Variants in CACNB4 observed in about 807,000 individuals in gnomAD.
CACNB4 encodes voltage-dependent L-type calcium channel subunit beta-4.
A neutral mutation model predicts 71.2 loss-of-function variants in CACNB4; 32 were observed. The observed-to-expected ratio is 0.45, with a 90% confidence interval of 0.34 to 0.60. The LOEUF (loss-of-function observed/expected upper bound fraction) is 0.60. CACNB4 is among the 20% of genes least tolerant of loss of function. CACNB4 has a pLI of 0.01. For synonymous variants in CACNB4, 231 were observed against 236.9 expected (o/e 0.97, Z 0.23); for missense variants, 464 against 647.9 (o/e 0.72, Z 3.08).
At chr2:151,879,026 C>T (rs2099847189) in intron 4 of CACNB4, among the ~76,000 whole-genome samples, 2 of 152,174 alleles carry the variant, frequency 1.3e-5, no homozygotes, top group South Asian at 4.1e-4. Context: ...GTATAACAGG[C>T]CTAAAATAAT....
At chr2:151,997,054 A>C (rs113746447) in intron 2 of CACNB4, among the ~76,000 whole-genome samples, 1,661 of 152,294 alleles carry the variant, frequency 0.011, 25 homozygotes, top group African/African-American at 0.038. Flanking sequence ...AAGTAAATAA[A>C]TACACCCTGT....
At chr2:151,978,409 C>T (rs1375819890) in intron 2 of CACNB4, among the ~76,000 whole-genome samples, 1 of 152,078 alleles carries the variant, frequency 6.6e-6, no homozygotes, top group Non-Finnish European at 1.5e-5. Flanking sequence ...GTGAATGGTC[C>T]TCCCTGTGAT....
At chr2:151,993,805 C>T (rs1477421801) in intron 2 of CACNB4, among the ~76,000 whole-genome samples, 5 of 151,308 alleles carry the variant, frequency 3.3e-5, no homozygotes, top group South Asian at 2.1e-4. Flanking sequence ...CCTTGTGATC[C>T]GCCCACCTCG....
At chr2:151,867,872 T>TC (rs1459357505) in intron 9 of CACNB4, 1 of 152,012 alleles carries the variant, frequency 6.6e-6, no homozygotes, top group Non-Finnish European at 1.5e-5. Context: ...AACTCTATCC[T>TC]CCCTCCCAGC....
At chr2:152,095,809 G>A (rs969126841) in intron 2 of CACNB4, among the ~76,000 whole-genome samples, 10 of 151,970 alleles carry the variant, frequency 6.6e-5, no homozygotes, top group Admixed American at 5.2e-4. Context: ...ACACCACCAC[G>A]CTTGGCAAAT....
chr2:151,959,637 T>C (rs2099869145), intron 2 of CACNB4, among the ~76,000 whole-genome samples: 1 of 152,238 alleles, frequency 6.6e-6, no homozygotes. Flanking sequence ...TATGCATTTC[T>C]CATCCTTTTT....
chr2:152,040,827 T>C (rs1433607098), intron 2 of CACNB4, among the ~76,000 whole-genome samples: 1 of 152,258 alleles, frequency 6.6e-6, no homozygotes, highest in Non-Finnish European at 1.5e-5. Context: ...CACATCTAAA[T>C]GCATATGCTG....
chr2:152,060,430 C>T (rs1043897491), intron 2 of CACNB4, among the ~76,000 whole-genome samples: 1 of 152,160 alleles, frequency 6.6e-6, no homozygotes, highest in African/African-American at 2.4e-5. Context: ...TTAAATTAAG[C>T]ATACCTCCTT....
chr2:152,093,313 A>G (rs1253308149), intron 2 of CACNB4, among the ~76,000 whole-genome samples: 14 of 152,068 alleles, frequency 9.2e-5, no homozygotes, highest in Admixed American at 6.6e-5. Flanking sequence ...AAATCAACAT[A>G]TATTTTTCTT....
At chr2:152,068,670 T>C (rs1363024631) in intron 2 of CACNB4, among the ~76,000 whole-genome samples, 2 of 152,166 alleles carry the variant, frequency 1.3e-5, no homozygotes, top group East Asian at 3.9e-4. Flanking sequence ...GAAGATGGTT[T>C]CCTGTTAATG....
chr2:151,973,333 A>G, intron 2 of CACNB4: 2 of 250,310 alleles, frequency 8.0e-6, no homozygotes, highest in Non-Finnish European at 1.5e-5. Flanking sequence ...ATTGGAAAAC[A>G]TAGGCACTTT....
chr2:152,015,047 T>C (rs185473069), intron 2 of CACNB4, among the ~76,000 whole-genome samples: 2 of 152,308 alleles, frequency 1.3e-5, no homozygotes, highest in Non-Finnish European at 2.9e-5. Flanking sequence ...AAGAAAAGAA[T>C]GTAAGCCCCA....
At chr2:152,019,108 C>T (rs1683514637) in intron 2 of CACNB4, among the ~76,000 whole-genome samples, 1 of 152,118 alleles carries the variant, frequency 6.6e-6, no homozygotes, top group Admixed American at 6.6e-5. Context: ...GCACAGTGGC[C>T]AGGCTTTCAT....
chr2:152,081,133 CTT>C (rs751270205), intron 2 of CACNB4, among the ~76,000 whole-genome samples: 7 of 152,194 alleles, frequency 4.6e-5, no homozygotes, highest in Non-Finnish European at 1.0e-4. Context: ...CACAAGCTAA[CTT>C]AAGTCATTTC....
intron 2 of CACNB4, among the ~76,000 whole-genome samples, chr2:151,974,641 C>A (rs554436921): frequency 6.6e-6 from 1 of 152,264 alleles, no homozygotes; most frequent in East Asian, 1.9e-4. Flanking sequence ...CCTTCCCATG[C>A]ACAAATCTTT....
intron 2 of CACNB4, among the ~76,000 whole-genome samples, chr2:152,053,689 AATTTT>A (rs1685568990): frequency 2.0e-5 from 3 of 151,954 alleles, no homozygotes; most frequent in Admixed American, 6.6e-5. Flanking sequence ...ATGCTCAGCT[AATTTT>A]TCAATTTTTT....
At position 151,833,996 on chromosome 2, in the gene CACNB4, C is replaced by T. The variant is rs1046039175; in HGVS notation, c.*5123G>A. The T allele has an allele frequency of 2.0e-5, 3 of 151,926 alleles. No individual in the cohort carries two copies. Among genetic ancestry groups the T allele is most frequent in the African/African-American group, 7.2e-5 (3 of 41,384 alleles). 9.4% of individuals were successfully genotyped at this position (151,926 alleles called of 1,614,324 possible). Reference sequence around the variant, plus strand: ...TGCAACGATATAGCGTTAATGATCCCGCCTCTTTATTACATCCCTTATGCA... The same window carrying T: ...TGCAACGATATAGCGTTAATGATCCTGCCTCTTTATTACATCCCTTATGCA... On this transcript the variant is annotated 3_prime_UTR_variant, in exon 14 of 14. Coordinates refer to ENST00000539935, the MANE Select transcript of CACNB4 (RefSeq NM_000726.5).
At chr2:151,854,553 AG>A (rs2099839790) in intron 11 of CACNB4, 1 of 152,226 alleles carries the variant, frequency 6.6e-6, no homozygotes, top group Non-Finnish European at 1.5e-5. Flanking sequence ...GTACTTCCCA[AG>A]GGTAACCATT....
intron 2 of CACNB4, among the ~76,000 whole-genome samples, chr2:151,993,533 T>C (rs1426172277): frequency 2.7e-5 from 4 of 150,444 alleles, no homozygotes; most frequent in African/African-American, 9.7e-5. Context: ...AGACTACTTC[T>C]CTGAACACGG....
Sources: gnomAD v4.1 joint callset for allele counts (sites outside exome capture counted in the v4.1 genomes callset) on GRCh38, gnomAD v4.1.1 for gene constraint, MANE v1.5 for transcripts, NCBI Gene and HGNC (gene_info 2026-07-23, HGNC 2026-07-21) for gene names.